The following RAPGEF5 variants were observed in gnomAD, a reference collection of about 807,000 sequenced individuals.
RAPGEF5 encodes Rap guanine nucleotide exchange factor 5.
A neutral mutation model predicts 125.2 loss-of-function variants in RAPGEF5; 65 were observed. The observed-to-expected ratio is 0.52, with a 90% CI of 0.43 to 0.64. The LOEUF is 0.64. Ranked by LOEUF, RAPGEF5 falls within the 30% of genes least tolerant of loss-of-function variation. RAPGEF5 has a pLI of 0.00. For missense variants in RAPGEF5, 958 were observed against 1,048.1 expected (o/e 0.91, Z 1.19); for synonymous variants, 391 against 385.9 (o/e 1.01, Z -0.16).
At chr7:22,126,449 C>T (rs1399623720) in intron 24 of RAPGEF5, among the ~76,000 whole-genome samples, 1 of 152,114 alleles carries the variant, frequency 6.6e-6, no homozygotes, top group African/African-American at 2.4e-5. Flanking sequence ...CCAAGTACCA[C>T]CAGAGGGCTT....
At chr7:22,274,099 C>T (rs578140749) in intron 6 of RAPGEF5, among the ~76,000 whole-genome samples, 2 of 152,270 alleles carry the variant, frequency 1.3e-5, no homozygotes, top group East Asian at 3.9e-4. Context: ...CTGGCTACTG[C>T]TTCTCTTCTC....
chr7:22,124,682 G>A (rs542332695), intron 25 of RAPGEF5, among the ~76,000 whole-genome samples: 1 of 152,258 alleles, frequency 6.6e-6, no homozygotes, highest in South Asian at 2.1e-4. Context: ...GTTTTACAAT[G>A]GGCATGTCTT....
intron 18 of RAPGEF5, 125 bp downstream of exon 18, chr7:22,150,281 TA>T: frequency 3.3e-6 from 3 of 913,610 alleles, no homozygotes; most frequent in Non-Finnish European, 4.9e-6. Flanking sequence ...TGCAAACTTC[TA>T]AGCTGGTCTC....
At chr7:22,148,023 G>A (rs986464615) in intron 18 of RAPGEF5, among the ~76,000 whole-genome samples, 1 of 152,164 alleles carries the variant, frequency 6.6e-6, no homozygotes, top group Admixed American at 6.5e-5. Context: ...CACAGACTCA[G>A]TCCTCTCAGC....
chr7:22,213,891 T>A (rs1265564690), intron 9 of RAPGEF5, among the ~76,000 whole-genome samples: 1 of 152,224 alleles, frequency 6.6e-6, no homozygotes, highest in African/African-American at 2.4e-5. Flanking sequence ...AATTATAAGT[T>A]TGAAAACAAT....
chr7:22,153,084 G>C (rs1242771585), intron 17 of RAPGEF5, among the ~76,000 whole-genome samples: 2 of 152,118 alleles, frequency 1.3e-5, no homozygotes, highest in African/African-American at 4.8e-5. Flanking sequence ...CGAGGCCCTG[G>C]GTTGACTCTC....
intron 23 of RAPGEF5, among the ~76,000 whole-genome samples, chr7:22,132,828 A>C (rs1035375263): frequency 6.6e-6 from 1 of 152,154 alleles, no homozygotes; most frequent in Non-Finnish European, 1.5e-5. Context: ...AGCTGCATTA[A>C]CTCATAAGGT....
intron 6 of RAPGEF5, among the ~76,000 whole-genome samples, chr7:22,285,127 A>G (rs921722374): frequency 1.3e-5 from 2 of 152,212 alleles, no homozygotes; most frequent in African/African-American, 2.4e-5. Context: ...CCTAGTGACC[A>G]TGCAGCTGAC....
At chr7:22,302,337 T>C (rs1783228150) in intron 5 of RAPGEF5, among the ~76,000 whole-genome samples, 1 of 152,116 alleles carries the variant, frequency 6.6e-6, no homozygotes, top group Non-Finnish European at 1.5e-5. Flanking sequence ...AGGGTGTATA[T>C]GGGAGCCACA....
At chr7:22,355,899 G>A in intron 1 of RAPGEF5, 1 of 940,754 alleles carries the variant, frequency 1.1e-6, no homozygotes, top group East Asian at 1.2e-4. Flanking sequence ...CAGCCAAACG[G>A]GAAAGAAAAA....
intron 11 of RAPGEF5, among the ~76,000 whole-genome samples, chr7:22,180,946 C>A (rs1431974627): frequency 6.6e-6 from 1 of 152,182 alleles, no homozygotes; most frequent in African/African-American, 2.4e-5. Flanking sequence ...GAGATATGCA[C>A]ACTATGCCAA....
At chr7:22,125,049 C>T (rs1486850583) in intron 25 of RAPGEF5, among the ~76,000 whole-genome samples, 6 of 152,100 alleles carry the variant, frequency 3.9e-5, no homozygotes, top group African/African-American at 1.4e-4. Flanking sequence ...TAAAAAGGAA[C>T]AAATATTCCT....
At chr7:22,161,040 CAAAAAA>C (rs58855860) in intron 13 of RAPGEF5, among the ~76,000 whole-genome samples, 2,605 of 145,898 alleles carry the variant, frequency 0.018, 69 homozygotes, top group African/African-American at 0.059. Flanking sequence ...ACTAAAAATA[CAAAAAA>C]AAAAAAAAAA....
At chr7:22,272,373 AAAAG>A (rs1782454317) in intron 6 of RAPGEF5, among the ~76,000 whole-genome samples, 1 of 109,632 alleles carries the variant, frequency 9.1e-6, no homozygotes, top group African/African-American at 3.2e-5. Flanking sequence ...AGAAGGAAAA[AAAAG>A]AAAAAAAAAT....
intron 1 of RAPGEF5, among the ~76,000 whole-genome samples, chr7:22,350,035 T>C (rs1193978933): frequency 6.6e-6 from 1 of 152,230 alleles, no homozygotes; most frequent in Non-Finnish European, 1.5e-5. Flanking sequence ...AATTAAGTCA[T>C]TGATTTTTAC....
intron 11 of RAPGEF5, among the ~76,000 whole-genome samples, chr7:22,179,418 T>A (rs1784605948): frequency 6.6e-6 from 1 of 152,204 alleles, no homozygotes; most frequent in South Asian, 2.1e-4. Context: ...TATGTAAGAT[T>A]ATTCTAAATA....
At chr7:22,291,154 A>G in intron 6 of RAPGEF5, 21 bp downstream of exon 6, 2 of 1,569,260 alleles carry the variant, frequency 1.3e-6, no homozygotes, top group Admixed American at 1.9e-5. Flanking sequence ...ACCCCTAGGC[A>G]GGAAAATTGC....
intron 11 of RAPGEF5, among the ~76,000 whole-genome samples, chr7:22,168,530 T>C (rs933617727): frequency 3.3e-5 from 5 of 152,338 alleles, no homozygotes; most frequent in Non-Finnish European, 7.3e-5. Flanking sequence ...CATGTTATAA[T>C]GATGATGTGT....
intron 20 of RAPGEF5, among the ~76,000 whole-genome samples, chr7:22,141,086 T>C (rs3892332): frequency 6.6e-6 from 1 of 151,874 alleles, no homozygotes; most frequent in African/African-American, 2.4e-5. Context: ...ATAGTGTAGA[T>C]CTTGCCTGCT....
Sources: allele counts gnomAD v4.1 joint callset (sites outside exome capture counted in the v4.1 genomes callset), GRCh38; gene constraint gnomAD v4.1.1; transcripts MANE v1.5; gene names NCBI Gene and HGNC (gene_info 2026-07-23, HGNC 2026-07-21).